Variants in SIGLEC9 observed in about 807,000 individuals in gnomAD.
SIGLEC9 encodes the protein sialic acid binding Ig like lectin 9, also known as sialic acid-binding Ig-like lectin 9.
Under a neutral mutation model 38.3 loss-of-function variants are expected in SIGLEC9, and 26 were observed. That is an observed-to-expected ratio of 0.68 (90% confidence interval 0.50 to 0.94). The LOEUF (loss-of-function observed/expected upper bound fraction) is 0.94. Ranked by LOEUF, SIGLEC9 falls within the 40% of genes least tolerant of loss-of-function variation. The pLI, the probability that SIGLEC9 is intolerant of heterozygous loss-of-function variation, is 0.00. For synonymous variants in SIGLEC9, 236 were observed against 248.0 expected (o/e 0.95, Z 0.45); for missense variants, 556 against 585.7 (o/e 0.95, Z 0.52).
At chr19:51,124,267 A>G (rs1174409514), upstream of SIGLEC9, among the ~76,000 whole-genome samples, 1 of 152,084 alleles carries the variant, frequency 6.6e-6, no homozygotes, top group Non-Finnish European at 1.5e-5. Context: ...GTATCAACAC[A>G]TAGAATCCTC....
chr19:51,121,803 T>A (rs1488204068), upstream of SIGLEC9, among the ~76,000 whole-genome samples: 1 of 151,946 alleles, frequency 6.6e-6, no homozygotes, highest in African/African-American at 2.4e-5. Context: ...GTCAGGGTGG[T>A]CTCGAACTCC....
chr19:51,133,980 T>A (rs190994789), downstream of SIGLEC9, among the ~76,000 whole-genome samples: 6 of 152,156 alleles, frequency 3.9e-5, no homozygotes, highest in Non-Finnish European at 8.8e-5. Context: ...AAAGAATACA[T>A]GCTCTGTAGT....
intron 3 of SIGLEC9, among the ~76,000 whole-genome samples, 197 bp downstream of exon 3, chr19:51,126,325 C>A (rs1160264837): frequency 2.0e-5 from 3 of 151,286 alleles, no homozygotes; most frequent in Non-Finnish European, 2.9e-5. Flanking sequence ...CCCCCACACA[C>A]CCCCCCCTCA....
upstream of SIGLEC9, chr19:51,122,804 G>A (rs10419289): frequency 0.087 from 13,329 of 152,686 alleles, 1,981 homozygotes; most frequent in African/African-American, 0.31. The surrounding 1 kb of genome is among the most constrained non-coding windows in gnomAD (Gnocchi z 4.1). Flanking sequence ...AACCCCGCCC[G>A]GCTGAGCTGG....
At chr19:51,124,903 C>T (rs1293320720), upstream of SIGLEC9, 11 of 1,538,898 alleles carry the variant, frequency 7.1e-6, no homozygotes, top group South Asian at 1.4e-4. Context: ...AAGTCTTGAG[C>T]CCGCAGTTCC....
At chr19:51,132,150 T>C (rs1023553257), downstream of SIGLEC9, among the ~76,000 whole-genome samples, 5 of 152,128 alleles carry the variant, frequency 3.3e-5, no homozygotes, top group African/African-American at 4.8e-5. Context: ...TAAAAAGACA[T>C]TGGCACCTCC....
Position 51,125,872 on chromosome 19 carries a change from T to C in SIGLEC9, c.697T>C (p.Ser233Pro). The stretch of plus-strand genomic sequence containing the variant: ...GAACAAGACCGTCCATCTCAACGTG[T>C]CCTGTGAGTGCTGGGCCGGGACGCC... ...TTNKTVHLNVSYPPQNLTMTV... is the reference protein window; with the variant it reads ...TTNKTVHLNVPYPPQNLTMTV... The change falls in exon 2 of 7, where the codon TCC becomes CCC. Residue 233 changes from serine to proline, a missense_variant. By Grantham distance (74) the Ser-to-Pro change is moderately conservative. Coordinates refer to ENST00000250360, the MANE Select transcript of SIGLEC9 (RefSeq NM_014441.3). The C allele has an allele frequency of 6.2e-6, 10 of 1,614,142 alleles. No individual in the cohort carries two copies. The highest frequency in any genetic ancestry group is 7.6e-6 in the Non-Finnish European group (9 of 1,180,002).
rs2091992945 is a variant in SIGLEC9 at position 51,128,439 on chromosome 19, G to T, written c.1132G>T (p.Ala378Ser). ...AGTGAGGTCCTGCAGGAAGAAATCGGCAAGGCCAGCAGCGGGCGTGGGAGA... is the reference window on the plus strand; with the variant it reads ...AGTGAGGTCCTGCAGGAAGAAATCGTCAAGGCCAGCAGCGGGCGTGGGAGA... ...VVVRSCRKKS[A>S]RPAAGVGDTG... The change falls in exon 6 of 7, where the codon GCA becomes TCA. Residue 378 changes from alanine (A) to serine (S), a missense_variant. Coordinates refer to ENST00000250360, the MANE Select transcript of SIGLEC9 (RefSeq NM_014441.3). 3 of 1,613,984 alleles carry T rather than the reference G, an allele frequency of 1.9e-6. No homozygotes were observed. The highest frequency in any genetic ancestry group is 2.7e-5 in the African/African-American group (2 of 74,914).
Position 51,125,649 on chromosome 19 carries a change from C to T in SIGLEC9, c.474C>T (p.Cys158=), listed in dbSNP as rs1307847893. Residue 158 remains cysteine, a synonymous_variant, in exon 2 of 7, where the codon TGC becomes TGT. Coordinates refer to ENST00000250360, the MANE Select transcript of SIGLEC9 (RefSeq NM_014441.3). ...TCCCAGGCACCCTGGAGTCCGGCTG[C>T]CCCCAGAATCTGACCTGCTCTGTGC... ...ILIPGTLESG[C]PQNLTCSVPW... The T allele has an allele frequency of 6.2e-7, 1 of 1,613,440 alleles. No homozygotes were observed. The highest frequency in any genetic ancestry group is 1.7e-5 in the Admixed American group (1 of 60,006).
upstream of SIGLEC9, chr19:51,120,038 C>A: frequency 5.6e-6 from 1 of 179,336 alleles, no homozygotes; most frequent in South Asian, 1.4e-4. This position sits in a 1 kb window ranked among gnomAD's most constrained non-coding sequence, Gnocchi z 4.1. Context: ...GGCATGTGCT[C>A]TGCGCTGTTT....
upstream of SIGLEC9, among the ~76,000 whole-genome samples, chr19:51,123,933 C>T (rs781116997): frequency 6.6e-6 from 1 of 152,164 alleles, no homozygotes; most frequent in Non-Finnish European, 1.5e-5. Flanking sequence ...TCCTGCCCAT[C>T]GCGGAGGGTG....
At chr19:51,128,107 C>T (rs2091991015) in intron 5 of SIGLEC9, 68 bp downstream of exon 5, 2 of 1,305,754 alleles carry the variant, frequency 1.5e-6, no homozygotes, top group Non-Finnish European at 2.2e-6. Context: ...AGCTGGATCC[C>T]TGAAGCCAGA....
chr19:51,132,726 T>C (rs374356775), downstream of SIGLEC9, among the ~76,000 whole-genome samples: 202 of 152,318 alleles, frequency 1.3e-3, 1 homozygote, highest in African/African-American at 4.7e-3. Context: ...TAAACCTCTT[T>C]TCTTTATAAA....
At chr19:51,123,846 C>G (rs972560562), upstream of SIGLEC9, among the ~76,000 whole-genome samples, 6 of 152,196 alleles carry the variant, frequency 3.9e-5, no homozygotes, top group Non-Finnish European at 7.3e-5. Context: ...AGGATACTCC[C>G]AGTTCCTCCC....
chr19:51,119,949 TC>T, upstream of SIGLEC9: 1 of 173,720 alleles, frequency 5.8e-6, no homozygotes, highest in Non-Finnish European at 1.2e-5. Flanking sequence ...TCTCCTTCTC[TC>T]CCCAGGGGCT....
downstream of SIGLEC9, among the ~76,000 whole-genome samples, chr19:51,131,515 G>A (rs974560986): frequency 1.1e-4 from 16 of 151,942 alleles, no homozygotes; most frequent in African/African-American, 3.4e-4. Flanking sequence ...GAACCCGGGT[G>A]GTGGAGCTTG....
intron 3 of SIGLEC9, 95 bp downstream of exon 3, chr19:51,126,223 C>G: frequency 8.1e-7 from 1 of 1,233,406 alleles, no homozygotes; most frequent in Non-Finnish European, 1.2e-6. Context: ...CTTTGGCAAA[C>G]AGGGATGTCC....
intron 6 of SIGLEC9, among the ~76,000 whole-genome samples, chr19:51,129,439 G>C (rs1038264777): frequency 1.3e-5 from 2 of 152,004 alleles, no homozygotes; most frequent in African/African-American, 4.8e-5. Context: ...GATTACAGGC[G>C]TGAGCCACTG....
In SIGLEC9 at chr19:51,125,151, C is replaced by T. The variant is rs2091968078; in HGVS notation, c.177C>T (p.Gly59=). 6.2e-7 allele frequency: 1 copy of T among 1,614,092 alleles called. No individual in the cohort carries two copies. Among genetic ancestry groups the T allele is most frequent in the African/African-American group, 1.3e-5 (1 of 75,010 alleles). The change falls in exon 1 of 7, where the codon GGC becomes GGT. Residue 59 remains glycine (G), a synonymous_variant. Transcript: ENST00000250360. ...GWIYPGPVVH[G]YWFREGANTD... is the part of the protein sequence containing the mutation. ...TTTACCCTGGCCCAGTAGTTCATGG[C>T]TACTGGTTCCGGGAAGGGGCCAATA... is the stretch of plus-strand genomic sequence containing the variant.
Sources: gnomAD v4.1 joint callset for allele counts (sites outside exome capture counted in the v4.1 genomes callset) on GRCh38, gnomAD v4.1.1 for gene constraint, Gnocchi (gnomAD v3.1) non-coding constraint, MANE v1.5 for transcripts, NCBI Gene and HGNC (gene_info 2026-07-23, HGNC 2026-07-21) for gene names.